Variants in C1QTNF3 observed in about 807,000 individuals in gnomAD.
C1QTNF3 encodes the protein C1q and TNF related 3, also known as complement C1q tumor necrosis factor-related protein 3.
C1QTNF3 carries 26 observed loss-of-function variants against 32.6 expected under a neutral mutation model. That is an observed-to-expected ratio of 0.80 (90% CI 0.58 to 1.11). The LOEUF is 1.11. Ranked by LOEUF, C1QTNF3 falls within the 50% of genes least tolerant of loss-of-function variation. The pLI is 0.00. For synonymous variants in C1QTNF3, 155 were observed against 146.0 expected (o/e 1.06, Z -0.44); for missense variants, 362 against 398.2 (o/e 0.91, Z 0.77).
rs766510528 is a variant in C1QTNF3 at position 34,043,174 on chromosome 5, A to G, written c.-49T>C. On this transcript the variant is annotated 5_prime_UTR_variant, in exon 1 of 6. Coordinates refer to ENST00000382065, the MANE Select transcript of C1QTNF3 (RefSeq NM_181435.6). The stretch of plus-strand genomic sequence containing the variant: ...CTCCCTGAGAAGACAGCAGAGCTCC[A>G]GGAGCGTGGTCTCCTCGGGCAGATG... 1.3e-6 allele frequency: 2 copies of G among 1,565,812 alleles called. No homozygotes were observed. The highest frequency in any genetic ancestry group is 3.6e-5 in the Admixed American group (2 of 56,026).
the C1QTNF3 span, among the ~76,000 whole-genome samples, chr5:34,055,774 G>C: frequency 1.7e-4 from 26 of 152,260 alleles, no homozygotes; most frequent in Non-Finnish European, 1.0e-4. Flanking sequence ...AAAACTCCAG[G>C]GGCAGACTCA....
the C1QTNF3 span, among the ~76,000 whole-genome samples, chr5:34,098,429 G>A: frequency 8.1e-4 from 123 of 152,258 alleles, no homozygotes; most frequent in African/African-American, 2.9e-3. Context: ...AATTTTCATC[G>A]TTGACACTAA....
rs1351570313 is a variant in C1QTNF3 at position 34,022,165 on chromosome 5, C to G, written c.801-1423G>C. On this transcript the variant is annotated intron_variant, in intron 5 of 5. Coordinates refer to ENST00000382065, the MANE Select transcript of C1QTNF3 (RefSeq NM_181435.6). ...AACTGACTTCACTTAATCTATTTAA[C>G]AAATGAAGTAAAAGCCAGCTAAGTA... is the stretch of plus-strand genomic sequence containing the variant. 2.0e-5 allele frequency among the ~76,000 whole-genome samples: 3 copies of G among 152,078 alleles called. No homozygotes were observed. The East Asian group carries it at 5.8e-4, about 29-fold the overall frequency.
At chr5:34,069,872 T>C in the C1QTNF3 span, among the ~76,000 whole-genome samples, 12,809 of 152,170 alleles carry the variant, frequency 0.084, 1,733 homozygotes, top group African/African-American at 0.28. Context: ...TGAAGAATAT[T>C]AGAGTCACAT....
the C1QTNF3 span, among the ~76,000 whole-genome samples, chr5:34,225,096 GACAGATT>G: frequency 3.9e-5 from 6 of 151,914 alleles, no homozygotes; most frequent in Middle Eastern, 3.4e-3. Context: ...ACATTTCAAA[GACAGATT>G]ATGTGCTTCC....
chr5:34,044,775 T>TA (rs1210872938), upstream of C1QTNF3, among the ~76,000 whole-genome samples: 2 of 152,116 alleles, frequency 1.3e-5, no homozygotes, highest in Non-Finnish European at 2.9e-5. Flanking sequence ...TAGTAGGGCA[T>TA]AAAAATTCAG....
the C1QTNF3 span, among the ~76,000 whole-genome samples, chr5:34,134,761 CA>C: frequency 6.6e-6 from 1 of 152,100 alleles, no homozygotes; most frequent in Non-Finnish European, 1.5e-5. Flanking sequence ...GTGATTTTTG[CA>C]TATTGATTTT....
At chr5:34,200,633 T>A in the C1QTNF3 span, 6 of 152,270 alleles carry the variant, frequency 3.9e-5, no homozygotes, top group East Asian at 9.6e-4. Context: ...TAAGAAAATG[T>A]TCAGAACAGT....
chr5:34,061,001 G>A, the C1QTNF3 span, among the ~76,000 whole-genome samples: 1 of 152,186 alleles, frequency 6.6e-6, no homozygotes, highest in Non-Finnish European at 1.5e-5. Flanking sequence ...CCTTCTGCCT[G>A]TGAGCCTGTG....
At chr5:34,041,811 G>T (rs1049046855) in intron 1 of C1QTNF3, among the ~76,000 whole-genome samples, 2 of 151,650 alleles carry the variant, frequency 1.3e-5, no homozygotes, top group Admixed American at 1.3e-4. Flanking sequence ...GTGTGATCTT[G>T]GTCTGACCAT....
intron 4 of C1QTNF3, among the ~76,000 whole-genome samples, chr5:34,024,990 G>A (rs1754424626): frequency 6.6e-6 from 1 of 152,138 alleles, no homozygotes; most frequent in African/African-American, 2.4e-5. Flanking sequence ...TTCTCAAAGG[G>A]CAATCAAGTA....
chr5:34,129,180 A>G, the C1QTNF3 span, among the ~76,000 whole-genome samples: 1 of 152,154 alleles, frequency 6.6e-6, no homozygotes, highest in African/African-American at 2.4e-5. Context: ...TTTTGCCATG[A>G]TTGTACATTT....
chr5:34,142,942 C>G, the C1QTNF3 span, among the ~76,000 whole-genome samples: 3 of 152,160 alleles, frequency 2.0e-5, no homozygotes, highest in Non-Finnish European at 4.4e-5. Flanking sequence ...TCTGAAATGA[C>G]TGAGATGATG....
chr5:34,200,638 A>G, the C1QTNF3 span: 1 of 152,140 alleles, frequency 6.6e-6, no homozygotes, highest in African/African-American at 2.4e-5. Flanking sequence ...AAATGTTCAG[A>G]ACAGTATCAG....
the C1QTNF3 span, among the ~76,000 whole-genome samples, chr5:34,062,978 T>A: frequency 6.6e-6 from 1 of 152,134 alleles, no homozygotes; most frequent in African/African-American, 2.4e-5. Flanking sequence ...TGCTACAGAT[T>A]GAATGCATTT....
chr5:34,054,124 C>T, the C1QTNF3 span, among the ~76,000 whole-genome samples: 1 of 152,158 alleles, frequency 6.6e-6, no homozygotes, highest in Non-Finnish European at 1.5e-5. Context: ...CTTTCAGAGT[C>T]CCCCAGAACC....
the C1QTNF3 span, among the ~76,000 whole-genome samples, chr5:34,163,261 T>G: frequency 2.0e-5 from 3 of 152,228 alleles, no homozygotes; most frequent in South Asian, 6.2e-4. Context: ...TGGGTGATGT[T>G]ATGTACAACA....
At chr5:34,116,525 T>C in the C1QTNF3 span, among the ~76,000 whole-genome samples, 1 of 116,242 alleles carries the variant, frequency 8.6e-6, no homozygotes, top group Non-Finnish European at 1.8e-5. Flanking sequence ...TTAAATTTTA[T>C]ATATTCCCAA....
the C1QTNF3 span, chr5:34,158,612 G>C: frequency 1.3e-5 from 2 of 151,944 alleles, no homozygotes; most frequent in Non-Finnish European, 2.9e-5. Flanking sequence ...TAGTTTCCTA[G>C]AGCCAATTTA....
Sources: allele counts gnomAD v4.1 joint callset (sites outside exome capture counted in the v4.1 genomes callset), GRCh38; gene constraint gnomAD v4.1.1; transcripts MANE v1.5; gene names NCBI Gene and HGNC (gene_info 2026-07-23, HGNC 2026-07-21).